The following TNS3 variants were observed in gnomAD, a reference collection of about 807,000 sequenced individuals.
TNS3 encodes the protein tensin 3.
A neutral mutation model predicts 140.9 loss-of-function variants in TNS3; 45 were observed. That is an observed-to-expected ratio of 0.32 (90% CI 0.25 to 0.41). The LOEUF is 0.41. Ranked by LOEUF, TNS3 falls within the 10% of genes least tolerant of loss-of-function variation. The pLI is 1.00. For synonymous variants in TNS3, 815 were observed against 788.4 expected (o/e 1.03, Z -0.56); for missense variants, 1,716 against 1,906.7 (o/e 0.90, Z 1.86).
intron 2 of TNS3, among the ~76,000 whole-genome samples, chr7:47,523,597 T>TG (rs1286867304): frequency 6.6e-6 from 1 of 152,100 alleles, no homozygotes; most frequent in African/African-American, 2.4e-5. Flanking sequence ...GTGCCTTGAG[T>TG]GGGGGTCCCT....
chr7:47,339,244 T>C (rs1406273925), intron 20 of TNS3, among the ~76,000 whole-genome samples: 1 of 152,232 alleles, frequency 6.6e-6, no homozygotes, highest in African/African-American at 2.4e-5. Context: ...CTTTTATGGT[T>C]CATGCTTTTG....
Position 47,582,040 on chromosome 7 carries a change from G to T in TNS3, c.-265+11C>A, listed in dbSNP as rs1021634389. The T allele has an allele frequency of 6.6e-6, 1 of 152,008 alleles. No individual in the cohort carries two copies. The highest frequency in any genetic ancestry group is 1.9e-4 in the East Asian group (1 of 5,176). 9.4% of individuals were successfully genotyped at this position (152,008 alleles called of 1,614,324 possible). A position where few individuals can be genotyped will look rare whatever the true frequency, so the allele number is the denominator to read the frequency against. On this transcript the variant is annotated intron_variant, in intron 1 of 30. Transcript: ENST00000311160. ...GCGTGGCCGCGTTTCCTCCTTCCCC[G>T]GCCCCAGTACCTGGGGGAGCCTGAG... is the stretch of plus-strand genomic sequence containing the variant.
chr7:47,389,051 GAAGAAGAAGAAGAAGAAGAAGAA>G (rs1792285639), intron 16 of TNS3, among the ~76,000 whole-genome samples: 1 of 56,508 alleles, frequency 1.8e-5, no homozygotes, highest in African/African-American at 8.5e-5. Context: ...AGAAGAAGAA[GAAGAAGAAGAAGAAGAAGAAGAA>G]GAAGAAGAAG....
chr7:47,339,001 C>A (rs1788790488), intron 20 of TNS3, among the ~76,000 whole-genome samples: 1 of 152,176 alleles, frequency 6.6e-6, no homozygotes, highest in Non-Finnish European at 1.5e-5. Context: ...TTGCCAGCAT[C>A]TGTTGTTTTT....
chr7:47,327,918 A>T (rs1167259589), intron 20 of TNS3, among the ~76,000 whole-genome samples: 1 of 152,178 alleles, frequency 6.6e-6, no homozygotes, highest in Non-Finnish European at 1.5e-5. Context: ...CCAGGAGCAC[A>T]GAAGACACCA....
intron 20 of TNS3, among the ~76,000 whole-genome samples, chr7:47,308,983 C>A (rs1786920180): frequency 6.6e-6 from 1 of 152,210 alleles, no homozygotes; most frequent in Non-Finnish European, 1.5e-5. Context: ...ATTGTGGTCC[C>A]CTGGAGTTTC....
chr7:47,338,862 A>G (rs1390079539), intron 20 of TNS3, among the ~76,000 whole-genome samples: 1 of 152,136 alleles, frequency 6.6e-6, no homozygotes, highest in Non-Finnish European at 1.5e-5. Flanking sequence ...ATATCCGGTA[A>G]TGGGACTGCT....
intron 1 of TNS3, among the ~76,000 whole-genome samples, chr7:47,560,450 A>G (rs1387708525): frequency 6.6e-6 from 1 of 152,066 alleles, no homozygotes; most frequent in African/African-American, 2.4e-5. Context: ...TTAAGATATC[A>G]CTCTGTCCAA....
chr7:47,329,508 G>A (rs538477255), intron 20 of TNS3, among the ~76,000 whole-genome samples: 5 of 152,260 alleles, frequency 3.3e-5, no homozygotes, highest in East Asian at 1.9e-4. Context: ...AGAGGGACAC[G>A]GCTTGCCTGG....
chr7:47,535,046 C>T (rs1040885429), intron 1 of TNS3, among the ~76,000 whole-genome samples: 1 of 152,194 alleles, frequency 6.6e-6, no homozygotes, highest in African/African-American at 2.4e-5. Context: ...ACTTTTCACT[C>T]GTATTGCAGT....
At chr7:47,482,742 GAA>G (rs138509243) in intron 3 of TNS3, among the ~76,000 whole-genome samples, 1 of 148,702 alleles carries the variant, frequency 6.7e-6, no homozygotes, top group Non-Finnish European at 1.5e-5. Flanking sequence ...CAAGCATGAT[GAA>G]AAAAAAAATG....
chr7:47,347,526 G>T (rs540200457), intron 17 of TNS3, among the ~76,000 whole-genome samples: 2 of 151,870 alleles, frequency 1.3e-5, no homozygotes, highest in Non-Finnish European at 2.9e-5. Flanking sequence ...AGCATGGGGG[G>T]GCTCCACTGC....
rs1402462852 is a variant in TNS3, at chr7:47,400,429, C to G, written c.883G>C (p.Glu295Gln). 1 of 1,614,034 alleles carries G rather than the reference C, an allele frequency of 6.2e-7. No individual in the cohort carries two copies. Among genetic ancestry groups the G allele is most frequent in the African/African-American group, 1.3e-5 (1 of 74,924 alleles). The change falls in exon 15 of 31, where the codon GAA becomes CAA. Residue 295 changes from glutamate (E) to glutamine (Q), a missense_variant. Coordinates refer to ENST00000311160, the MANE Select transcript of TNS3 (RefSeq NM_022748.12). ...DDRFPDYGKV[E>Q]LVFSATPEKI... ...TCAGGCGTGGCAGAGAAGACTAATT[C>G]AACCTTCCCATAGTCAGGAAAACGG...
chr7:47,429,560 G>C (rs930854832), intron 8 of TNS3, among the ~76,000 whole-genome samples: 1 of 152,086 alleles, frequency 6.6e-6, no homozygotes, highest in African/African-American at 2.4e-5. Context: ...GTAGAGATGG[G>C]GTTTCACCAT....
intron 16 of TNS3, among the ~76,000 whole-genome samples, chr7:47,394,639 G>A (rs1238280875): frequency 2.0e-5 from 3 of 152,186 alleles, no homozygotes; most frequent in Non-Finnish European, 2.9e-5. Flanking sequence ...CAGTGATAAC[G>A]GCAAGTCCTC....
intron 9 of TNS3, among the ~76,000 whole-genome samples, chr7:47,425,025 A>G (rs1794574221): frequency 6.6e-6 from 1 of 152,186 alleles, no homozygotes; most frequent in Non-Finnish European, 1.5e-5. Context: ...ATGCTTCCTT[A>G]AAACCCTGAT....
At chr7:47,563,066 G>T (rs749181231) in intron 1 of TNS3, among the ~76,000 whole-genome samples, 1 of 152,252 alleles carries the variant, frequency 6.6e-6, no homozygotes, top group Middle Eastern at 3.4e-3. Context: ...CCCTAACAGC[G>T]AAGCTAGGCA....
chr7:47,447,702 C>G (rs971654518), intron 4 of TNS3, among the ~76,000 whole-genome samples: 4 of 152,178 alleles, frequency 2.6e-5, no homozygotes, highest in African/African-American at 4.8e-5. Context: ...TCCTGCAGTG[C>G]GCTATCCTAG....
chr7:47,312,531 C>T (rs1787163491), intron 20 of TNS3, among the ~76,000 whole-genome samples: 1 of 151,660 alleles, frequency 6.6e-6, no homozygotes, highest in East Asian at 1.9e-4. Flanking sequence ...GGTGAAACCC[C>T]GTCTCTTCTA....
Sources: allele counts gnomAD v4.1 joint callset (sites outside exome capture counted in the v4.1 genomes callset), GRCh38; gene constraint gnomAD v4.1.1; transcripts MANE v1.5; gene names NCBI Gene and HGNC (gene_info 2026-07-23, HGNC 2026-07-21).